The following SLC2A4RG variants were observed in gnomAD, a reference collection of about 807,000 sequenced individuals.
SLC2A4RG encodes the protein SLC2A4 regulator.
A neutral mutation model predicts 35.5 loss-of-function variants in SLC2A4RG; 23 were observed. The ratio of observed to expected loss-of-function variants is 0.65; its 90% CI spans 0.47 to 0.92. The LOEUF (loss-of-function observed/expected upper bound fraction) is 0.92. SLC2A4RG is among the 40% of genes least tolerant of loss of function. The pLI, the probability that SLC2A4RG is intolerant of heterozygous loss-of-function variation, is 0.00. For synonymous variants in SLC2A4RG, 306 were observed against 243.7 expected (o/e 1.26, Z -2.38); for missense variants, 539 against 525.0 (o/e 1.03, Z -0.26).
Position 63,743,340 on chromosome 20 carries a change from T to G in SLC2A4RG, c.*350T>G. The G allele has an allele frequency of 4.9e-6, 1 of 205,646 alleles. No individual in the cohort carries two copies. Among genetic ancestry groups the G allele is most frequent in the Non-Finnish European group, 1.0e-5 (1 of 99,892 alleles). The allele number at this position is 205,646 out of a possible 1,614,324, so 12.7% of individuals were successfully genotyped here. A position where few individuals can be genotyped will look rare whatever the true frequency, so the allele number is the denominator to read the frequency against. On this transcript the variant is annotated 3_prime_UTR_variant, in exon 8 of 8. Coordinates refer to ENST00000266077, the MANE Select transcript of SLC2A4RG (RefSeq NM_020062.4). ...CCCAGCTTTGGGGGGCCAGTCCCGA[T>G]GCACTTTGAGGGGTGTTGGAGAGGG...
In SLC2A4RG at chr20:63,740,385, C is replaced by A. The variant is rs2092035769; in HGVS notation, c.135C>A (p.Ser45=). 1.6e-6 allele frequency: 2 copies of A among 1,228,512 alleles called. No individual in the cohort carries two copies. The highest frequency in any genetic ancestry group is 1.0e-6 in the Non-Finnish European group (1 of 985,006). The allele number at this position is 1,228,512 out of a possible 1,614,324, so 76.1% of individuals were successfully genotyped here. A position where few individuals can be genotyped will look rare whatever the true frequency, so the allele number is the denominator to read the frequency against. The part of the protein sequence containing the change: ...VTVPTPPQGS[S]VGGGFAGLEF... ...CCCCTCCCCATCCGCAGGGCTCTTC[C>A]GTGGGCGGCGGCTTCGCGGGCTTGG... The change falls in exon 2 of 8, where the codon TCC becomes TCA. Residue 45 remains serine (S), a synonymous_variant. Coordinates refer to ENST00000266077, the MANE Select transcript of SLC2A4RG (RefSeq NM_020062.4).
At chr20:63,740,138 G>A (rs1484037082) in intron 1 of SLC2A4RG, 100 bp downstream of exon 1, 3 of 581,704 alleles carry the variant, frequency 5.2e-6, no homozygotes, top group Non-Finnish European at 6.5e-6. Flanking sequence ...GCGGGGCAGC[G>A]GGGAGGGCGG....
rs2092060224 is a variant in SLC2A4RG, at chr20:63,743,868, C to T, written c.*878C>T. On this transcript the variant is annotated 3_prime_UTR_variant, in exon 8 of 8. Transcript: ENST00000266077. ...ACCGAGCGATTACGAGAACCTCTTC[C>T]CCCAATAGTAGACACATCTCCAATA... The T allele has an allele frequency of 6.6e-6, 1 of 152,302 alleles. No individual in the cohort carries two copies. Among genetic ancestry groups the T allele is most frequent in the South Asian group, 2.1e-4 (1 of 4,812 alleles). 9.4% of individuals were successfully genotyped at this position (152,302 alleles called of 1,614,324 possible). A position where few individuals can be genotyped will look rare whatever the true frequency, so the allele number is the denominator to read the frequency against.
chr20:63,742,672 T>C lies in SLC2A4RG; in HGVS notation c.961-27T>C, dbSNP rs747789896. On this transcript the variant is annotated intron_variant, in intron 6 of 7. Transcript: ENST00000266077. ...GGTCTCAGGGCTCTCTGGAGGGGAG[T>C]GAAGCCCTGGCTGTGTCTCCCTGTA... is the stretch of plus-strand genomic sequence containing the variant. 28 of 1,593,302 alleles carry C rather than the reference T, an allele frequency of 1.8e-5. No individual in the cohort carries two copies. In the South Asian group the frequency reaches 3.2e-4, roughly 18 times the overall value.
intron 2 of SLC2A4RG, among the ~76,000 whole-genome samples, chr20:63,740,798 C>G (rs567611819): frequency 1.1e-4 from 16 of 152,286 alleles, no homozygotes; most frequent in African/African-American, 3.6e-4. Flanking sequence ...GCTGCGCGGT[C>G]GGCATGGGGC....
chr20:63,740,394 C>G lies in SLC2A4RG; in HGVS notation c.144C>G (p.Gly48=). 1 of 1,228,948 alleles carries G rather than the reference C, an allele frequency of 8.1e-7. No homozygotes were observed. Among genetic ancestry groups the G allele is most frequent in the Non-Finnish European group, 1.0e-6 (1 of 985,220 alleles). 76.1% of individuals were successfully genotyped at this position (1,228,948 alleles called of 1,614,324 possible). Reference sequence around the variant, plus strand: ...ATCCGCAGGGCTCTTCCGTGGGCGGCGGCTTCGCGGGCTTGGAGTTCGCGC... The same window carrying G: ...ATCCGCAGGGCTCTTCCGTGGGCGGGGGCTTCGCGGGCTTGGAGTTCGCGC... ...PTPPQGSSVG[G]GFAGLEFARP... is the part of the protein sequence containing the mutation. The change falls in exon 2 of 8, where the codon GGC becomes GGG. Residue 48 remains glycine (G), a synonymous_variant. Coordinates refer to ENST00000266077, the MANE Select transcript of SLC2A4RG (RefSeq NM_020062.4).
Position 63,739,884 on chromosome 20 carries a change from C to G in SLC2A4RG, c.-29C>G. 6 of 978,854 alleles carry G rather than the reference C, an allele frequency of 6.1e-6. No individual in the cohort carries two copies. The highest frequency in any genetic ancestry group is 7.2e-6 in the Non-Finnish European group (6 of 827,848). The allele number at this position is 978,854 out of a possible 1,614,324, so 60.6% of individuals were successfully genotyped here. A position where few individuals can be genotyped will look rare whatever the true frequency, so the allele number is the denominator to read the frequency against. On this transcript the variant is annotated 5_prime_UTR_variant, in exon 1 of 8. Transcript: ENST00000266077. ...GCGTCCTGAGAGTCAGCCCTCGCCG[C>G]TGCAGCCTCGGCGCCCGGCCGGCCG... is the stretch of plus-strand genomic sequence containing the variant.
rs1322660725 is a variant in SLC2A4RG, at chr20:63,742,828, G to T, written c.1052+38G>T. 5 of 1,582,916 alleles carry T rather than the reference G, an allele frequency of 3.2e-6. No individual in the cohort carries two copies. In the Admixed American group the frequency reaches 7.2e-5, roughly 23 times the overall value. Reference sequence around the variant, plus strand: ...TGAGGGCCTGCGGCTGGCACCAGGTGGGGAGGGTCCTGGTCTCACAGCACC... The same window carrying T: ...TGAGGGCCTGCGGCTGGCACCAGGTTGGGAGGGTCCTGGTCTCACAGCACC... On this transcript the variant is annotated intron_variant, in intron 7 of 7. Transcript: ENST00000266077.
chr20:63,740,602 C>T (rs1261508066), intron 2 of SLC2A4RG, 71 bp downstream of exon 2: 22 of 1,214,132 alleles, frequency 1.8e-5, no homozygotes, highest in Non-Finnish European at 2.3e-5. Flanking sequence ...GAGACACCGG[C>T]CCCGACGGAG....
intron 1 of SLC2A4RG, 88 bp from the exon 2 acceptor site, chr20:63,740,289 G>T (rs2092035078): frequency 3.3e-6 from 3 of 922,700 alleles, no homozygotes; most frequent in South Asian, 5.5e-5. Context: ...TTTTCGAGGC[G>T]GGCGCCGAGC....
At chr20:63,742,273 G>T in intron 5 of SLC2A4RG, 43 bp downstream of exon 5, 1 of 1,594,754 alleles carries the variant, frequency 6.3e-7, no homozygotes, top group East Asian at 2.3e-5. Flanking sequence ...CGGGTTGGCT[G>T]GGGTTGTGAG....
intron 6 of SLC2A4RG, 28 bp from the exon 7 acceptor site, chr20:63,742,671 G>A: frequency 6.3e-7 from 1 of 1,594,860 alleles, no homozygotes; most frequent in Non-Finnish European, 8.6e-7. Flanking sequence ...CTGGAGGGGA[G>A]TGAAGCCCTG....
Position 63,743,100 on chromosome 20 carries a change from C to A in SLC2A4RG, c.*110C>A. ...CCCAGGGGCTGGCTTTCACCAGCTG[C>A]AGGGTCTGCTTTTACTTGGGGTGGG... On this transcript the variant is annotated 3_prime_UTR_variant, in exon 8 of 8. Coordinates refer to ENST00000266077, the MANE Select transcript of SLC2A4RG (RefSeq NM_020062.4). The A allele has an allele frequency of 4.9e-6, 1 of 204,100 alleles. No homozygotes were observed. Among genetic ancestry groups the A allele is most frequent in the Non-Finnish European group, 8.7e-6 (1 of 114,616 alleles). 12.6% of individuals were successfully genotyped at this position (204,100 alleles called of 1,614,324 possible).
rs201336899 is a variant in SLC2A4RG, at chr20:63,743,024, T to C, written c.*34T>C. The C allele has an allele frequency of 3.4e-6, 5 of 1,454,466 alleles. No homozygotes were observed. The allele number at this position is 1,454,466 out of a possible 1,614,324, so 90.1% of individuals were successfully genotyped here. ...CGTTCAAGAACATAAGCTACCACCT[T>C]CTCCCTCCCCACCCCCTCCAGGCCC... On this transcript the variant is annotated 3_prime_UTR_variant, in exon 8 of 8. Coordinates refer to ENST00000266077, the MANE Select transcript of SLC2A4RG (RefSeq NM_020062.4).
Position 63,742,055 on chromosome 20 carries a change from A to C in SLC2A4RG, c.578A>C (p.Lys193Thr). 1 of 1,611,612 alleles carries C rather than the reference A, an allele frequency of 6.2e-7. No individual in the cohort carries two copies. The highest frequency in any genetic ancestry group is 8.5e-7 in the Non-Finnish European group (1 of 1,178,664). The change falls in exon 4 of 8, where the codon AAG (lysine) becomes ACG (threonine). Residue 193 changes from lysine (K) to threonine (T), a missense_variant and splice_region_variant. Physicochemically the swap from Lys to Thr is moderately conservative, Grantham distance 78 (BLOSUM62 -1). Coordinates refer to ENST00000266077, the MANE Select transcript of SLC2A4RG (RefSeq NM_020062.4). Reference protein sequence around the residue: ...LFGEPTLRKRKSPAQVMFQCL... With the variant: ...LFGEPTLRKRTSPAQVMFQCL... ...GGGGAGCCCACCCTGAGAAAAAGGAAGGTGAGCTTGGGGGCGGCCCCCAGG... is the reference window on the plus strand; with the variant it reads ...GGGGAGCCCACCCTGAGAAAAAGGACGGTGAGCTTGGGGGCGGCCCCCAGG...
chr20:63,739,811 T>G lies in SLC2A4RG; in HGVS notation c.-102T>G, dbSNP rs1158004781. ...CGGCGCGGCGCGGGCGGCGGCCGGA[T>G]CCAGGGCGGGGGTCGGCGGCCCGGC... On this transcript the variant is annotated 5_prime_UTR_variant, in exon 1 of 8. Coordinates refer to ENST00000266077, the MANE Select transcript of SLC2A4RG (RefSeq NM_020062.4). 10 of 950,692 alleles carry G rather than the reference T, an allele frequency of 1.1e-5. No individual in the cohort carries two copies. In the Admixed American group the frequency reaches 5.9e-4, roughly 56 times the overall value. The allele number at this position is 950,692 out of a possible 1,614,324, so 58.9% of individuals were successfully genotyped here.
Position 63,743,056 on chromosome 20 carries a change from G to A in SLC2A4RG, c.*66G>A. ...CCCCACCCCCTCCAGGCCCGGGGCT[G>A]AAACAGCCCGAGGACAGCCCCAGGG... On this transcript the variant is annotated 3_prime_UTR_variant, in exon 8 of 8. Transcript: ENST00000266077. 2 of 1,138,024 alleles carry A rather than the reference G, an allele frequency of 1.8e-6. No homozygotes were observed. Among genetic ancestry groups the A allele is most frequent in the Non-Finnish European group, 2.3e-6 (2 of 862,642 alleles). The allele number at this position is 1,138,024 out of a possible 1,614,324, so 70.5% of individuals were successfully genotyped here.
At position 63,742,041 on chromosome 20, in the gene SLC2A4RG, C is replaced by T. The variant is rs1366760384; in HGVS notation, c.564C>T (p.Thr188=). ...EAAHFLFGEP[T]LRKRKSPAQV... ...CCCACTTTCTGTTTGGGGAGCCCAC[C>T]CTGAGAAAAAGGAAGGTGAGCTTGG... Residue 188 remains threonine (T), a synonymous_variant, in exon 4 of 8, where the codon ACC becomes ACT. Coordinates refer to ENST00000266077, the MANE Select transcript of SLC2A4RG (RefSeq NM_020062.4). 1 of 1,611,768 alleles carries T rather than the reference C, an allele frequency of 6.2e-7. No individual in the cohort carries two copies. The highest frequency in any genetic ancestry group is 1.7e-4 in the Middle Eastern group (1 of 6,050).
chr20:63,741,911 C>A lies in SLC2A4RG; in HGVS notation c.434C>A (p.Pro145Gln). 2 of 1,611,370 alleles carry A rather than the reference C, an allele frequency of 1.2e-6. No individual in the cohort carries two copies. The highest frequency in any genetic ancestry group is 1.7e-6 in the Non-Finnish European group (2 of 1,179,412). The change falls in exon 4 of 8, where the codon CCA (proline) becomes CAA (glutamine). Residue 145 changes from proline (P) to glutamine (Q), a missense_variant. Coordinates refer to ENST00000266077, the MANE Select transcript of SLC2A4RG (RefSeq NM_020062.4). ...TGGAAGGAGGCCCTGGTGCGGCCCC[C>A]AGGCAGCTACAGCAGCAGCAGCAAC... Reference protein sequence around the residue: ...EPWKEALVRPPGSYSSSSNSG... With the variant: ...EPWKEALVRPQGSYSSSSNSG...
Sources: gnomAD v4.1 joint callset for allele counts (sites outside exome capture counted in the v4.1 genomes callset) on GRCh38, gnomAD v4.1.1 for gene constraint, MANE v1.5 for transcripts, NCBI Gene and HGNC (gene_info 2026-07-23, HGNC 2026-07-21) for gene names.